Variants in COL5A2 observed in about 807,000 individuals in gnomAD.
COL5A2 encodes collagen type V alpha 2 chain, also known as collagen alpha-2(V) chain.
Under a neutral mutation model 208.2 loss-of-function variants are expected in COL5A2, and 23 were observed. The observed-to-expected ratio is 0.11, with a 90% confidence interval of 0.08 to 0.16. The LOEUF (loss-of-function observed/expected upper bound fraction) is 0.16, where lower values mean the gene tolerates loss of function less well. Among genes scored for constraint, COL5A2 ranks in the 10% least tolerant of loss-of-function variants. COL5A2 has a pLI of 1.00. For synonymous variants in COL5A2, 625 were observed against 628.5 expected, an observed-to-expected ratio of 0.99 and a Z score of 0.08; for missense variants, 1,590 against 1,956.4, an observed-to-expected ratio of 0.81 and a Z score of 3.53.
At chr2:189,248,945 A>G in the COL5A2 span, among the ~76,000 whole-genome samples, 1 of 152,154 alleles carries the variant, frequency 6.6e-6, no homozygotes, top group Non-Finnish European at 1.5e-5. Context: ...ATTCCAATAA[A>G]TAGGAGGTGG....
intron 47 of COL5A2, among the ~76,000 whole-genome samples, chr2:189,044,676 T>C (rs1685626483): frequency 6.6e-6 from 1 of 152,136 alleles, no homozygotes; most frequent in South Asian, 2.1e-4. Context: ...ATGAAAAGCA[T>C]ATGACCTATT....
chr2:189,208,990 C>A (rs757927820), intron 1 of COL5A2, among the ~76,000 whole-genome samples: 13 of 152,168 alleles, frequency 8.5e-5, no homozygotes, highest in Non-Finnish European at 1.5e-5. Context: ...TCATCTGGCC[C>A]CCTCGGAGGT....
intron 7 of COL5A2, among the ~76,000 whole-genome samples, chr2:189,089,851 T>C (rs1162593042): frequency 6.6e-6 from 1 of 152,218 alleles, no homozygotes; most frequent in Non-Finnish European, 1.5e-5. Flanking sequence ...CAATAAATAT[T>C]GTGTGTGTTG....
chr2:189,401,816 G>T, the COL5A2 span, among the ~76,000 whole-genome samples: 1 of 152,130 alleles, frequency 6.6e-6, no homozygotes, highest in Non-Finnish European at 1.5e-5. Flanking sequence ...TTTCTCTAAT[G>T]ATCAGTGATG....
At chr2:189,189,340 T>C (rs1158996094) in intron 1 of COL5A2, among the ~76,000 whole-genome samples, 1 of 152,190 alleles carries the variant, frequency 6.6e-6, no homozygotes, top group Non-Finnish European at 1.5e-5. Flanking sequence ...ATCCCTGCCA[T>C]TACAATTCTT....
the COL5A2 span, among the ~76,000 whole-genome samples, chr2:189,368,134 T>C: frequency 6.6e-6 from 1 of 152,242 alleles, no homozygotes; most frequent in Non-Finnish European, 1.5e-5. Context: ...CTAGCTCAGT[T>C]ATTGTTATTC....
the COL5A2 span, among the ~76,000 whole-genome samples, chr2:189,372,158 C>T: frequency 6.6e-6 from 1 of 152,138 alleles, no homozygotes; most frequent in Non-Finnish European, 1.5e-5. Context: ...GGGTGCAAGC[C>T]TCTAAAATAG....
chr2:189,179,436 T>C, intron 1 of COL5A2, 72 bp downstream of exon 1: 1 of 1,535,310 alleles, frequency 6.5e-7, no homozygotes, highest in Admixed American at 1.9e-5. Flanking sequence ...ACGCTCTTCC[T>C]GAGGCTTAAC....
chr2:189,322,658 C>G, the COL5A2 span, among the ~76,000 whole-genome samples: 8 of 152,294 alleles, frequency 5.3e-5, no homozygotes, highest in South Asian at 2.1e-4. Context: ...AGACCAATAA[C>G]ACACTCTGAA....
At chr2:189,210,688 G>A (rs934834940) in intron 1 of COL5A2, among the ~76,000 whole-genome samples, 12 of 152,156 alleles carry the variant, frequency 7.9e-5, no homozygotes, top group Non-Finnish European at 1.3e-4. Context: ...CATCTATAAC[G>A]TTTTTCAAAG....
At chr2:189,335,919 C>T in the COL5A2 span, among the ~76,000 whole-genome samples, 5 of 152,028 alleles carry the variant, frequency 3.3e-5, no homozygotes, top group Non-Finnish European at 7.4e-5. Flanking sequence ...ATGTGAATTA[C>T]ATTTCAATTT....
chr2:189,414,664 G>A, the COL5A2 span, among the ~76,000 whole-genome samples: 1 of 150,800 alleles, frequency 6.6e-6, no homozygotes, highest in Non-Finnish European at 1.5e-5. Context: ...CCTGAGAATG[G>A]CTTGAGCCCG....
At chr2:189,181,236 TAA>T (rs985955340), upstream of COL5A2, among the ~76,000 whole-genome samples, 15 of 152,324 alleles carry the variant, frequency 9.8e-5, no homozygotes, top group African/African-American at 3.6e-4. Flanking sequence ...AGACTCTGGA[TAA>T]ATATTCCAGT....
At chr2:189,343,789 TCCAAA>T in the COL5A2 span, among the ~76,000 whole-genome samples, 1 of 152,182 alleles carries the variant, frequency 6.6e-6, no homozygotes, top group African/African-American at 2.4e-5. Flanking sequence ...ATTAAATTTG[TCCAAA>T]AAGTCACACA....
chr2:189,327,352 T>C, the COL5A2 span, among the ~76,000 whole-genome samples: 1 of 151,716 alleles, frequency 6.6e-6, no homozygotes, highest in Non-Finnish European at 1.5e-5. Context: ...AGGAGAAAAA[T>C]TGTTGAGGGT....
intron 1 of COL5A2, among the ~76,000 whole-genome samples, chr2:189,142,319 C>T (rs1381648276): frequency 6.6e-6 from 1 of 151,454 alleles, no homozygotes; most frequent in African/African-American, 2.4e-5. Flanking sequence ...ATATGTATAC[C>T]ATAGATTATA....
chr2:189,041,513 C>T (rs1181514858), intron 50 of COL5A2, 73 bp downstream of exon 50: 4 of 1,220,134 alleles, frequency 3.3e-6, no homozygotes, highest in South Asian at 1.2e-5. Context: ...TCGGGCTGCA[C>T]AGACATTTCT....
intron 1 of COL5A2, among the ~76,000 whole-genome samples, chr2:189,185,260 T>C (rs536432612): frequency 6.6e-6 from 1 of 152,284 alleles, no homozygotes; most frequent in African/African-American, 2.4e-5. Context: ...CCTGACCTTT[T>C]GATCTGCCCG....
intron 35 of COL5A2, among the ~76,000 whole-genome samples, chr2:189,056,313 T>C (rs761432242): frequency 1.3e-5 from 2 of 152,212 alleles, no homozygotes; most frequent in Admixed American, 6.5e-5. Flanking sequence ...GTTTAAGCCA[T>C]TGTGACTAGC....
Sources: allele counts gnomAD v4.1 joint callset (sites outside exome capture counted in the v4.1 genomes callset), GRCh38; gene constraint gnomAD v4.1.1; transcripts MANE v1.5; gene names NCBI Gene and HGNC (gene_info 2026-07-23, HGNC 2026-07-21).